BDNF: variants seen among roughly 807,000 people sequenced by gnomAD.
The protein encoded by BDNF is brain derived neurotrophic factor.
A neutral mutation model predicts 19.5 loss-of-function variants in BDNF; 1 was observed. That is an observed-to-expected ratio of 0.05 (90% CI 0.02 to 0.24). The LOEUF (loss-of-function observed/expected upper bound fraction) is 0.24, where lower values mean the gene tolerates loss of function less well. BDNF is among the 10% of genes least tolerant of loss of function. BDNF has a pLI of 1.00. For synonymous variants in BDNF, 100 were observed against 121.6 expected (o/e 0.82, Z 1.17); for missense variants, 195 against 317.6 (o/e 0.61, Z 2.93).
intron 1 of BDNF, chr11:27,699,433 C>T: frequency 1.2e-6 from 2 of 1,614,154 alleles, no homozygotes; most frequent in Non-Finnish European, 1.7e-6. Flanking sequence ...AGTCAAGAAT[C>T]CCCCACGTAC....
rs527562915 is a variant in BDNF, at chr11:27,668,472, G to A, written c.-21-9887C>T. Among the ~76,000 whole-genome samples, 4 of 152,232 alleles carry A rather than the reference G, an allele frequency of 2.6e-5. No homozygotes were observed. In the East Asian group the frequency reaches 7.7e-4, roughly 29 times the overall value. ...CTTCAAAAAATCAATGAACCCAGGAGCTGGTTTTTTAAAAAGATCAACAAA... is the reference window on the plus strand; with the variant it reads ...CTTCAAAAAATCAATGAACCCAGGAACTGGTTTTTTAAAAAGATCAACAAA... On this transcript the variant is annotated intron_variant, in intron 1 of 1. Transcript: ENST00000356660.
Position 27,654,898 on chromosome 11 carries a change from T to C in BDNF, c.*2923A>G, listed in dbSNP as rs1852366705. On this transcript the variant is annotated 3_prime_UTR_variant, in exon 2 of 2. Transcript: ENST00000356660. ...AAAAACCCAGAACCCCCAGATTTTATGTACTTTGAAAATATATTTAAAAAC... is the reference window on the plus strand; with the variant it reads ...AAAAACCCAGAACCCCCAGATTTTACGTACTTTGAAAATATATTTAAAAAC... 6.6e-6 allele frequency: 1 copy of C among 152,242 alleles called. No individual in the cohort carries two copies. The highest frequency in any genetic ancestry group is 2.1e-4 in the South Asian group (1 of 4,828). 9.4% of individuals were successfully genotyped at this position (152,242 alleles called of 1,614,324 possible). A position where few individuals can be genotyped will look rare whatever the true frequency, so the allele number is the denominator to read the frequency against.
chr11:27,708,825 C>CTTTTTTTTTTTTTTTTTTT (rs67977614), intron 1 of BDNF, among the ~76,000 whole-genome samples: 1 of 112,434 alleles, frequency 8.9e-6, no homozygotes, highest in Non-Finnish European at 1.7e-5. Context: ...TAGAATTCCT[C>CTTTTTTTTTTTTTTTTTTT]TTTTTTTTTT....
chr11:27,685,438 T>C (rs1013246993), intron 1 of BDNF, among the ~76,000 whole-genome samples: 1 of 152,220 alleles, frequency 6.6e-6, no homozygotes, highest in African/African-American at 2.4e-5. Context: ...TGTCTTCTGC[T>C]AGCTTTTGAA....
intron 1 of BDNF, among the ~76,000 whole-genome samples, chr11:27,668,559 T>A (rs1854775403): frequency 6.6e-6 from 1 of 151,964 alleles, no homozygotes; most frequent in Non-Finnish European, 1.5e-5. Flanking sequence ...ATAGATGCAA[T>A]AAAAGGTGAT....
chr11:27,697,158 CACACACAGAGAGAGAGAGAG>C (rs998476250), intron 1 of BDNF, among the ~76,000 whole-genome samples: 4 of 113,578 alleles, frequency 3.5e-5, no homozygotes, highest in African/African-American at 1.2e-4. Flanking sequence ...CACACACACA[CACACACAGAGAGAGAGAGAG>C]AGAGAGAGAG....
chr11:27,712,981 T>G (rs1860397261), intron 1 of BDNF, among the ~76,000 whole-genome samples: 1 of 149,778 alleles, frequency 6.7e-6, no homozygotes, highest in South Asian at 2.2e-4. Context: ...GATCTCGGCT[T>G]ACTACAGCCT....
intron 1 of BDNF, among the ~76,000 whole-genome samples, chr11:27,668,782 C>CA (rs1643688949): frequency 2.0e-5 from 3 of 152,144 alleles, no homozygotes; most frequent in East Asian, 3.9e-4. Context: ...GCCTACCAAC[C>CA]AAAAAAATCC....
chr11:27,669,845 T>C (rs372297138), intron 1 of BDNF, among the ~76,000 whole-genome samples: 1 of 152,108 alleles, frequency 6.6e-6, no homozygotes. Flanking sequence ...AGGTAATTTA[T>C]AGATTCAATG....
Position 27,667,594 on chromosome 11 carries a change from C to CA in BDNF, c.-21-9010dup, listed in dbSNP as rs554451589. 2.7e-3 allele frequency among the ~76,000 whole-genome samples: 408 copies of CA among 150,904 alleles called. 5 individuals carry two copies. Among genetic ancestry groups the CA allele is most frequent in the Non-Finnish European group, 2.7e-3 (185 of 67,654 alleles). ...GAAGATCTACCAAGGAAATGGAAAG[C>CA]AAAAAAAAGCAGGAGTTGCAATCCT... On this transcript the variant is annotated intron_variant, in intron 1 of 1. Transcript: ENST00000356660.
intron 1 of BDNF, chr11:27,665,174 T>C (rs1196744187): frequency 2.0e-5 from 3 of 152,204 alleles, no homozygotes; most frequent in Non-Finnish European, 4.4e-5. Context: ...TACTATGTTA[T>C]TGAAACCATA....
intron 1 of BDNF, among the ~76,000 whole-genome samples, chr11:27,667,746 A>G (rs1253526251): frequency 6.6e-6 from 1 of 152,238 alleles, no homozygotes; most frequent in Non-Finnish European, 1.5e-5. Flanking sequence ...CACCTAATAC[A>G]GGAGCACCAG....
chr11:27,667,377 A>G (rs1854536707), intron 1 of BDNF, among the ~76,000 whole-genome samples: 1 of 152,234 alleles, frequency 6.6e-6, no homozygotes, highest in Admixed American at 6.5e-5. Flanking sequence ...CAAAATAACC[A>G]GCTAACATCA....
At chr11:27,720,936 TC>T (rs1278601916) in intron 1 of BDNF, among the ~76,000 whole-genome samples, 1 of 131,578 alleles carries the variant, frequency 7.6e-6, no homozygotes, top group African/African-American at 2.9e-5. Flanking sequence ...CTTATTTCTC[TC>T]CCCCCAACCC....
chr11:27,718,325 C>T (rs907010433), intron 1 of BDNF, among the ~76,000 whole-genome samples: 2 of 151,566 alleles, frequency 1.3e-5, no homozygotes, highest in African/African-American at 4.8e-5. Context: ...CCTTTAAATT[C>T]TGCTCCTCCA....
chr11:27,688,003 G>A (rs1212117609), intron 1 of BDNF, among the ~76,000 whole-genome samples: 1 of 152,072 alleles, frequency 6.6e-6, no homozygotes, highest in African/African-American at 2.4e-5. Context: ...CTGAAGCTGG[G>A]CCCACAGCCA....
chr11:27,657,571 G>T lies in BDNF; in HGVS notation c.*250C>A. On this transcript the variant is annotated 3_prime_UTR_variant, in exon 2 of 2. Coordinates refer to ENST00000356660, the MANE Select transcript of BDNF (RefSeq NM_001709.5). The surrounding 1 kb of genome is among the most constrained non-coding windows in gnomAD (Gnocchi z 5.0). Reference sequence around the variant, plus strand: ...TTTTATGTTTTCAGTTCTTGGCAACGGCAACAAACCACAACATTATCAAGG... The same window carrying T: ...TTTTATGTTTTCAGTTCTTGGCAACTGCAACAAACCACAACATTATCAAGG... The T allele has an allele frequency of 8.1e-7, 1 of 1,237,734 alleles. No homozygotes were observed. The highest frequency in any genetic ancestry group is 1.0e-6 in the Non-Finnish European group (1 of 987,822). 76.7% of individuals were successfully genotyped at this position (1,237,734 alleles called of 1,614,324 possible). A position where few individuals can be genotyped will look rare whatever the true frequency, so the allele number is the denominator to read the frequency against.
At chr11:27,680,841 C>T (rs984536845) in intron 1 of BDNF, among the ~76,000 whole-genome samples, 1 of 152,162 alleles carries the variant, frequency 6.6e-6, no homozygotes, top group Non-Finnish European at 1.5e-5. Flanking sequence ...TTCTGGTAAT[C>T]AATTATCTTC....
chr11:27,662,223 C>G (rs1300112227), intron 1 of BDNF, among the ~76,000 whole-genome samples: 1 of 152,080 alleles, frequency 6.6e-6, no homozygotes, highest in Non-Finnish European at 1.5e-5. Flanking sequence ...CTGGCCTACT[C>G]ACTTGTTAAT....
Sources: allele counts gnomAD v4.1 joint callset (sites outside exome capture counted in the v4.1 genomes callset), GRCh38; gene constraint gnomAD v4.1.1; non-coding constraint Gnocchi (gnomAD v3.1); transcripts MANE v1.5; gene names NCBI Gene and HGNC (gene_info 2026-07-23, HGNC 2026-07-21).